Variants in PCDHGB1 observed in about 807,000 individuals in gnomAD.
PCDHGB1 encodes protocadherin gamma-B1.
A neutral mutation model predicts 56.6 loss-of-function variants in PCDHGB1; 34 were observed. The ratio of observed to expected loss-of-function variants is 0.60; its 90% CI spans 0.46 to 0.80. The LOEUF (loss-of-function observed/expected upper bound fraction) is 0.80, where lower values mean the gene tolerates loss of function less well. PCDHGB1 is among the 30% of genes least tolerant of loss of function. The pLI is 0.00. For synonymous variants in PCDHGB1, 561 were observed against 505.9 expected (o/e 1.11, Z -1.46); for missense variants, 1,278 against 1,204.6 (o/e 1.06, Z -0.90).
Position 141,493,957 on chromosome 5 carries a change from G to A in PCDHGB1, c.2410-850G>A, listed in dbSNP as rs1360777586. 6.6e-6 allele frequency among the ~76,000 whole-genome samples: 1 copy of A among 152,228 alleles called. No individual in the cohort carries two copies. The highest frequency in any genetic ancestry group is 2.4e-5 in the African/African-American group (1 of 41,458). On this transcript the variant is annotated intron_variant, in intron 1 of 3. Coordinates refer to ENST00000523390, the MANE Select transcript of PCDHGB1 (RefSeq NM_018922.3). This position sits in a 1 kb window ranked among gnomAD's most constrained non-coding sequence, Gnocchi z 4.3. ...AGACCAGAAGGGACTCAGGAATGAA[G>A]TGGCTGGCCAGAGCCCCACACCTTC... is the stretch of plus-strand genomic sequence containing the variant.
chr5:141,471,427 AGT>A (rs1475862025), intron 1 of PCDHGB1: 1 of 152,188 alleles, frequency 6.6e-6, no homozygotes, highest in Non-Finnish European at 1.5e-5. Flanking sequence ...TAGCAAGGAA[AGT>A]GTATAATCTC....
intron 2 of PCDHGB1, among the ~76,000 whole-genome samples, chr5:141,505,177 A>T (rs917485235): frequency 6.6e-6 from 1 of 152,180 alleles, no homozygotes. Context: ...AAAAGAAAAA[A>T]GCATCGGAGG....
chr5:141,433,837 C>CAAAAAAAAA (rs56191208), intron 1 of PCDHGB1, among the ~76,000 whole-genome samples: 1 of 111,704 alleles, frequency 9.0e-6, no homozygotes, highest in Non-Finnish European at 1.9e-5. Flanking sequence ...AACTCTATCT[C>CAAAAAAAAA]AAAAAAAAAA....
chr5:141,445,889 C>A (rs920382027), intron 1 of PCDHGB1, among the ~76,000 whole-genome samples: 6 of 152,110 alleles, frequency 3.9e-5, no homozygotes, highest in African/African-American at 1.4e-4. Context: ...TACTTAGGAG[C>A]TATTAAAATA....
intron 1 of PCDHGB1, chr5:141,370,525 G>T: frequency 1.2e-6 from 2 of 1,613,874 alleles, no homozygotes; most frequent in Non-Finnish European, 1.7e-6. Flanking sequence ...CTGGACAGGG[G>T]CTCGCTGGTA....
At chr5:141,388,457 C>A in intron 1 of PCDHGB1, 1 of 1,613,814 alleles carries the variant, frequency 6.2e-7, no homozygotes, top group Non-Finnish European at 8.5e-7. Flanking sequence ...GCAGTAAATA[C>A]CCTGAGATGG....
chr5:141,472,183 A>G (rs2099273731), intron 1 of PCDHGB1, among the ~76,000 whole-genome samples: 1 of 152,190 alleles, frequency 6.6e-6, no homozygotes, highest in South Asian at 2.1e-4. Flanking sequence ...CCAGTATTGG[A>G]ATTTGAATCT....
intron 1 of PCDHGB1, among the ~76,000 whole-genome samples, chr5:141,381,826 CTTTTTTTTTTTTTT>C (rs770630741): frequency 1.3e-5 from 1 of 74,284 alleles, no homozygotes; most frequent in Non-Finnish European, 2.4e-5. Context: ...CTTTCTTCTT[CTTTTTTTTTTTTTT>C]TTTTTTTTGG....
chr5:141,423,760 G>GT, intron 1 of PCDHGB1: 1 of 279,664 alleles, frequency 3.6e-6, no homozygotes, highest in Non-Finnish European at 5.3e-6. Flanking sequence ...TGGGGGGGGG[G>GT]TGGGGCGGCA....
At chr5:141,366,349 T>C in intron 1 of PCDHGB1, 1 of 1,613,938 alleles carries the variant, frequency 6.2e-7, no homozygotes, top group Non-Finnish European at 8.5e-7. Context: ...ACATCCTGGC[T>C]GACCTAGGCA....
At chr5:141,417,993 C>A in intron 1 of PCDHGB1, 1 of 1,613,830 alleles carries the variant, frequency 6.2e-7, no homozygotes, top group Non-Finnish European at 8.5e-7. Flanking sequence ...GCCAAGGGCT[C>A]GGTGGTGGGG....
At chr5:141,360,076 T>C (rs890042967) in intron 1 of PCDHGB1, 1 of 1,480,118 alleles carries the variant, frequency 6.8e-7, no homozygotes, top group Non-Finnish European at 9.0e-7. Context: ...TTAGCCCGGA[T>C]TCTGCCATCC....
intron 3 of PCDHGB1, among the ~76,000 whole-genome samples, chr5:141,509,620 C>G (rs1321910971): frequency 6.6e-6 from 1 of 152,188 alleles, no homozygotes; most frequent in African/African-American, 2.4e-5. Context: ...TAAACAAGTT[C>G]CTGGGTGATG....
In PCDHGB1 at chr5:141,503,243, C is replaced by T. The variant is rs146741382; in HGVS notation, c.2469-2150C>T. Among the ~76,000 whole-genome samples the T allele has an allele frequency of 3.1e-4, 47 of 152,198 alleles. No individual in the cohort carries two copies. The East Asian group carries it at 8.9e-3, about 29-fold the overall frequency. ...CACCGTAAAGATGGACAGTTTCTAT[C>T]ATACTCACAGCCACAACCCCAGCAC... On this transcript the variant is annotated intron_variant, in intron 2 of 3. Coordinates refer to ENST00000523390, the MANE Select transcript of PCDHGB1 (RefSeq NM_018922.3).
chr5:141,392,741 C>T, intron 1 of PCDHGB1: 1 of 1,435,876 alleles, frequency 7.0e-7, no homozygotes. Context: ...ATCTCCATAG[C>T]TGCGGCAAGA....
rs1488506612 is a variant in PCDHGB1 at position 141,395,336 on chromosome 5, T to G, written c.2409+42667T>G. ...TTGTGAAGATAGTTGAAAATAATTTTTAAGGTGTATCACAGAGTTTTGGGT... is the reference window on the plus strand; with the variant it reads ...TTGTGAAGATAGTTGAAAATAATTTGTAAGGTGTATCACAGAGTTTTGGGT... On this transcript the variant is annotated intron_variant, in intron 1 of 3. Coordinates refer to ENST00000523390, the MANE Select transcript of PCDHGB1 (RefSeq NM_018922.3). 5 of 1,435,024 alleles carry G rather than the reference T, an allele frequency of 3.5e-6. No homozygotes were observed. In the African/African-American group the frequency reaches 4.3e-5, roughly 12 times the overall value. The allele number at this position is 1,435,024 out of a possible 1,614,324, so 88.9% of individuals were successfully genotyped here. A position where few individuals can be genotyped will look rare whatever the true frequency, so the allele number is the denominator to read the frequency against.
In PCDHGB1 at chr5:141,393,848, A is replaced by G. The variant is rs1368797606; in HGVS notation, c.2409+41179A>G. Reference sequence around the variant, plus strand: ...TGGAAGATGTAAATGACAATAGACCAGAAGTGATCATTACGTCTTTGTTTA... The same window carrying G: ...TGGAAGATGTAAATGACAATAGACCGGAAGTGATCATTACGTCTTTGTTTA... On this transcript the variant is annotated intron_variant, in intron 1 of 3. Transcript: ENST00000523390. 2.5e-6 allele frequency: 4 copies of G among 1,614,008 alleles called. No individual in the cohort carries two copies. The South Asian group carries it at 4.4e-5, about 18-fold the overall frequency.
rs779981011 is a variant in PCDHGB1 at position 141,395,287 on chromosome 5, G to T, written c.2409+42618G>T. 11 of 1,533,118 alleles carry T rather than the reference G, an allele frequency of 7.2e-6. No homozygotes were observed. The South Asian group carries it at 1.3e-4, about 18-fold the overall frequency. 95.0% of individuals were successfully genotyped at this position (1,533,118 alleles called of 1,614,324 possible). A position where few individuals can be genotyped will look rare whatever the true frequency, so the allele number is the denominator to read the frequency against. On this transcript the variant is annotated intron_variant, in intron 1 of 3. Transcript: ENST00000523390. ...TTAATTTCCAGATGAATTTTATTTG[G>T]CATAAATTATGTTTTGAAAAACATT...
rs781367282 is a variant in PCDHGB1 at position 141,485,525 on chromosome 5, C to G, written c.2410-9282C>G. On this transcript the variant is annotated intron_variant, in intron 1 of 3. Transcript: ENST00000523390. This position sits in a 1 kb window ranked among gnomAD's most constrained non-coding sequence, Gnocchi z 5.7. ...CACCGAAGGTCCTTTGGAAATGTAC[C>G]GAGCAGAGGTAGAGATCGTAGATGT... is the stretch of plus-strand genomic sequence containing the variant. 5 of 1,614,122 alleles carry G rather than the reference C, an allele frequency of 3.1e-6. No homozygotes were observed. The highest frequency in any genetic ancestry group is 2.5e-6 in the Non-Finnish European group (3 of 1,180,022).
Sources: gnomAD v4.1 joint callset for allele counts (sites outside exome capture counted in the v4.1 genomes callset) on GRCh38, gnomAD v4.1.1 for gene constraint, Gnocchi (gnomAD v3.1) non-coding constraint, MANE v1.5 for transcripts, NCBI Gene and HGNC (gene_info 2026-07-23, HGNC 2026-07-21) for gene names.